The following WIPF3 variants were observed in gnomAD, a reference collection of about 807,000 sequenced individuals.
WIPF3 encodes the protein WAS/WASL-interacting protein family member 3.
In WIPF3, 33 loss-of-function variants were observed where a neutral mutation model predicts 38.9. That is an observed-to-expected ratio of 0.85 (90% CI 0.64 to 1.14). The LOEUF is 1.14. Ranked by LOEUF, WIPF3 falls within the 50% of genes most tolerant of loss-of-function variation. WIPF3 has a pLI of 0.00. For missense variants in WIPF3, 711 were observed against 652.5 expected (o/e 1.09, Z -0.98); for synonymous variants, 324 against 269.3 (o/e 1.20, Z -1.99).
chr7:29,830,331 C>G (rs1196818056), intron 1 of WIPF3, among the ~76,000 whole-genome samples: 1 of 151,722 alleles, frequency 6.6e-6, no homozygotes, highest in African/African-American at 2.4e-5. Context: ...ACTTAAGGGT[C>G]TCAAAAATAT....
At chr7:29,826,246 G>A (rs1274723802) in intron 1 of WIPF3, among the ~76,000 whole-genome samples, 1 of 152,166 alleles carries the variant, frequency 6.6e-6, no homozygotes, top group East Asian at 1.9e-4. Context: ...TCTGTGTGGA[G>A]ATGGTGCCTT....
chr7:29,841,035 G>A (rs1016810855), intron 2 of WIPF3, among the ~76,000 whole-genome samples: 1 of 152,212 alleles, frequency 6.6e-6, no homozygotes. Flanking sequence ...ACAAGGGAGT[G>A]CACAGATGGG....
intron 1 of WIPF3, among the ~76,000 whole-genome samples, chr7:29,831,279 G>A (rs995223339): frequency 1.3e-5 from 2 of 152,228 alleles, no homozygotes; most frequent in Non-Finnish European, 2.9e-5. Context: ...GTTCAGACAT[G>A]ACTCCTAGTG....
intron 1 of WIPF3, among the ~76,000 whole-genome samples, chr7:29,806,914 G>A (rs1451726006): frequency 7.3e-5 from 11 of 151,226 alleles, no homozygotes; most frequent in Non-Finnish European, 1.5e-4. Context: ...CGCCCCGGCC[G>A]GGCCGGGCCG....
chr7:29,831,395 T>C (rs1784718729), intron 1 of WIPF3, among the ~76,000 whole-genome samples: 1 of 152,204 alleles, frequency 6.6e-6, no homozygotes, highest in Non-Finnish European at 1.5e-5. Context: ...ATTCAAATGC[T>C]AACCTGTTTT....
intron 3 of WIPF3, among the ~76,000 whole-genome samples, chr7:29,876,879 G>A (rs536461836): frequency 2.6e-5 from 4 of 152,242 alleles, no homozygotes; most frequent in East Asian, 1.9e-4. Flanking sequence ...CAGACAAATC[G>A]GGGAGCCTCT....
chr7:29,869,982 A>C (rs901329664), intron 2 of WIPF3, among the ~76,000 whole-genome samples: 1 of 152,186 alleles, frequency 6.6e-6, no homozygotes, highest in African/African-American at 2.4e-5. Context: ...TGAGATGGAA[A>C]GTCATTGCAG....
intron 2 of WIPF3, among the ~76,000 whole-genome samples, chr7:29,858,490 C>A (rs2128070134): frequency 6.6e-6 from 1 of 151,900 alleles, no homozygotes; most frequent in East Asian, 1.9e-4. Context: ...AGGTGCAAGA[C>A]AAAAACAGTC....
chr7:29,868,607 G>A (rs1289988752), intron 2 of WIPF3, among the ~76,000 whole-genome samples: 2 of 151,372 alleles, frequency 1.3e-5, no homozygotes, highest in African/African-American at 4.9e-5. Context: ...ATACAGTGAT[G>A]CATCGATTAA....
intron 2 of WIPF3, among the ~76,000 whole-genome samples, chr7:29,852,518 T>C (rs747876838): frequency 3.3e-5 from 5 of 152,232 alleles, no homozygotes; most frequent in South Asian, 4.1e-4. Flanking sequence ...TTAGGACATA[T>C]TATTCTTGCT....
chr7:29,823,995 G>A lies in WIPF3; in HGVS notation c.-57-10673G>A, dbSNP rs369936156. 2.1e-4 allele frequency among the ~76,000 whole-genome samples: 32 copies of A among 152,152 alleles called. No homozygotes were observed. Among genetic ancestry groups the A allele is most frequent in the Middle Eastern group, 3.2e-3 (1 of 316 alleles). On this transcript the variant is annotated intron_variant, in intron 1 of 8. Coordinates refer to ENST00000242140, the MANE Select transcript of WIPF3 (RefSeq NM_001080529.3). This position sits in a 1 kb window ranked among gnomAD's most constrained non-coding sequence, Gnocchi z 4.0. ...TCTCAGTTTCAGGTATTTCTTTATA[G>A]CAACGCGAGAACAGACTAATACACC...
intron 2 of WIPF3, among the ~76,000 whole-genome samples, chr7:29,858,292 C>A (rs116439401): frequency 6.6e-6 from 1 of 152,200 alleles, no homozygotes. Flanking sequence ...CCTCACCCCA[C>A]CCTCAACAAG....
Position 29,869,026 on chromosome 7 carries a change from C to CT in WIPF3, c.91-6792dup, listed in dbSNP as rs377448147. On this transcript the variant is annotated intron_variant, in intron 2 of 8. Coordinates refer to ENST00000242140, the MANE Select transcript of WIPF3 (RefSeq NM_001080529.3). Reference sequence around the variant, plus strand: ...ATCTTACCCATACTTCATCCCCACTCTTTTTTTTTTTTCATTTTTTGAGAT... The same window carrying CT: ...ATCTTACCCATACTTCATCCCCACTCTTTTTTTTTTTTTCATTTTTTGAGAT... 4.2e-3 allele frequency among the ~76,000 whole-genome samples: 615 copies of CT among 145,690 alleles called. 2 individuals are homozygous for CT. The highest frequency in any genetic ancestry group is 0.013 in the African/African-American group (502 of 40,044).
intron 7 of WIPF3, among the ~76,000 whole-genome samples, chr7:29,899,293 A>C (rs989956739): frequency 2.6e-5 from 4 of 152,250 alleles, no homozygotes; most frequent in Admixed American, 1.3e-4. Flanking sequence ...GCAGTAACTT[A>C]TCAGAGAGGT....
chr7:29,868,639 C>T (rs940186322), intron 2 of WIPF3, among the ~76,000 whole-genome samples: 11 of 151,660 alleles, frequency 7.3e-5, no homozygotes, highest in Admixed American at 2.0e-4. Context: ...TGTTCTGAAG[C>T]GTCTACATTG....
At chr7:29,828,296 C>G (rs1784656848) in intron 1 of WIPF3, among the ~76,000 whole-genome samples, 1 of 152,114 alleles carries the variant, frequency 6.6e-6, no homozygotes, top group African/African-American at 2.4e-5. Flanking sequence ...GTGGTTGGAA[C>G]ACAGACATAT....
intron 1 of WIPF3, among the ~76,000 whole-genome samples, chr7:29,815,954 G>A (rs73074091): frequency 0.033 from 5,047 of 152,242 alleles, 133 homozygotes; most frequent in Middle Eastern, 0.13. Context: ...CACCCTTAGT[G>A]CTGAGTCCTA....
At chr7:29,903,616 C>G (rs1441327547) in intron 7 of WIPF3, among the ~76,000 whole-genome samples, 1 of 151,998 alleles carries the variant, frequency 6.6e-6, no homozygotes, top group African/African-American at 2.4e-5. Flanking sequence ...TCTGGAACAC[C>G]TGGGAATGGG....
chr7:29,809,196 G>A (rs1245533006), intron 1 of WIPF3, among the ~76,000 whole-genome samples: 1 of 152,150 alleles, frequency 6.6e-6, no homozygotes, highest in Non-Finnish European at 1.5e-5. Context: ...TTATTTTTCT[G>A]CCTAATATTC....
Sources: allele counts gnomAD v4.1 joint callset (sites outside exome capture counted in the v4.1 genomes callset), GRCh38; gene constraint gnomAD v4.1.1; non-coding constraint Gnocchi (gnomAD v3.1); transcripts MANE v1.5; gene names NCBI Gene and HGNC (gene_info 2026-07-23, HGNC 2026-07-21).